CABIN1: variants seen among roughly 807,000 people sequenced by gnomAD.
The protein encoded by CABIN1 is calcineurin-binding protein cabin-1.
CABIN1 carries 133 observed loss-of-function variants against 227.7 expected under a neutral mutation model. The ratio of observed to expected loss-of-function variants is 0.58; its 90% confidence interval spans 0.51 to 0.67. The LOEUF (loss-of-function observed/expected upper bound fraction) is 0.67, where lower values mean the gene tolerates loss of function less well. Ranked by LOEUF, CABIN1 falls within the 30% of genes least tolerant of loss-of-function variation. The probability of loss-of-function intolerance (pLI) is 0.00; values close to 1 mark genes in which losing one functional copy is unlikely to be tolerated. For synonymous variants in CABIN1, 1,086 were observed against 1,155.1 expected, an observed-to-expected ratio of 0.94 and a Z score of 1.21; for missense variants, 2,408 against 2,852.5, an observed-to-expected ratio of 0.84 and a Z score of 3.55.
intron 1 of CABIN1, among the ~76,000 whole-genome samples, chr22:24,014,378 A>C (rs1378356697): frequency 1.3e-5 from 2 of 150,190 alleles, no homozygotes; most frequent in South Asian, 4.2e-4. Flanking sequence ...TTTAGTTAGG[A>C]TCTCCTTCAG....
In CABIN1 at chr22:24,119,685, G is replaced by T; in HGVS notation, c.4619G>T (p.Ser1540Ile). Residue 1540 changes from serine to isoleucine, a missense_variant, in exon 28 of 37, where the codon AGC becomes ATC. Around this residue, in one of 3 missense-constraint regions of CABIN1, gnomAD observed 649 missense variants for 910.3 expected, o/e 0.71. Transcript: ENST00000263119. The stretch of plus-strand genomic sequence containing the variant: ...CGTCTGGCCTTCCTCTACACCTACA[G>T]CAAGACCCACCGGGTGAGTGGCTGC... Reference protein sequence around the residue: ...LYRLAFLYTYSKTHRNLQWAR... With the variant: ...LYRLAFLYTYIKTHRNLQWAR... 2 of 1,613,952 alleles carry T rather than the reference G, an allele frequency of 1.2e-6. No homozygotes were observed. The highest frequency in any genetic ancestry group is 4.5e-5 in the East Asian group (2 of 44,878).
At chr22:24,107,049 C>A (rs1253294197) in intron 26 of CABIN1, among the ~76,000 whole-genome samples, 1 of 152,188 alleles carries the variant, frequency 6.6e-6, no homozygotes, top group South Asian at 2.1e-4. Context: ...GATAACACAT[C>A]CCTGGACTCC....
intron 27 of CABIN1, among the ~76,000 whole-genome samples, chr22:24,114,613 A>C (rs1432936915): frequency 6.6e-6 from 1 of 152,026 alleles, no homozygotes; most frequent in Non-Finnish European, 1.5e-5. Flanking sequence ...ACCCCACGCT[A>C]CCTCTCCGGG....
chr22:24,019,409 C>T (rs1050722960), intron 1 of CABIN1, among the ~76,000 whole-genome samples: 2 of 151,458 alleles, frequency 1.3e-5, no homozygotes, highest in East Asian at 1.9e-4. Flanking sequence ...GGATTACAGG[C>T]GTGAGCCTGT....
At chr22:24,130,583 C>G (rs1049630425) in intron 28 of CABIN1, among the ~76,000 whole-genome samples, 2 of 152,132 alleles carry the variant, frequency 1.3e-5, no homozygotes, top group African/African-American at 4.8e-5. Context: ...GCTGCAGGTG[C>G]ACCGTGCAAG....
intron 1 of CABIN1, among the ~76,000 whole-genome samples, chr22:24,019,391 A>G (rs184253319): frequency 6.6e-6 from 1 of 151,178 alleles, no homozygotes; most frequent in African/African-American, 2.4e-5. Flanking sequence ...TGGCCTCCCA[A>G]AGTGCTGGGA....
intron 1 of CABIN1, among the ~76,000 whole-genome samples, chr22:24,018,401 G>T (rs1162909933): frequency 6.6e-6 from 1 of 152,058 alleles, no homozygotes; most frequent in African/African-American, 2.4e-5. Flanking sequence ...TAATACAAAG[G>T]TTAAAGAGGA....
chr22:24,156,072 G>C, intron 29 of CABIN1: 1 of 425,072 alleles, frequency 2.4e-6, no homozygotes, highest in African/African-American at 2.1e-5. Flanking sequence ...CGGCGGAGCC[G>C]GCGGGTAGGA....
chr22:24,142,964 C>T (rs1241737106), intron 29 of CABIN1, among the ~76,000 whole-genome samples: 1 of 152,142 alleles, frequency 6.6e-6, no homozygotes, highest in Non-Finnish European at 1.5e-5. Flanking sequence ...TGTCCCTTTG[C>T]TCACACTTCA....
chr22:24,064,719 T>G (rs1478448103), intron 15 of CABIN1, among the ~76,000 whole-genome samples: 1 of 151,968 alleles, frequency 6.6e-6, no homozygotes, highest in Non-Finnish European at 1.5e-5. Flanking sequence ...GTGATGACTC[T>G]TAACGAGCAT....
At chr22:24,071,064 C>T (rs750618765) in intron 17 of CABIN1, 22 bp downstream of exon 17, 10 of 1,614,216 alleles carry the variant, frequency 6.2e-6, no homozygotes, top group South Asian at 3.3e-5. Context: ...CTCCTTCTCA[C>T]CCTGCCCTGC....
At position 24,055,099 on chromosome 22, in the gene CABIN1, G is replaced by C. The variant is rs753529437; in HGVS notation, c.1033G>C (p.Val345Leu). ...CGAGCCTGTGGTCTCCTACACCTCT[G>C]TGGCTACAACCAGCTTCCCACTGCA... ...VAEPVVSYTS[V>L]ATTSFPLHSP... is the part of the protein sequence containing the mutation. The change falls in exon 9 of 37, where the codon GTG (valine) becomes CTG (leucine). Residue 345 changes from valine (V) to leucine (L), a missense_variant. Transcript: ENST00000263119. 63 of 1,614,046 alleles carry C rather than the reference G, an allele frequency of 3.9e-5. No individual in the cohort carries two copies. The South Asian group carries it at 6.8e-4, about 17-fold the overall frequency.
At chr22:24,063,275 C>G in intron 14 of CABIN1, 129 bp downstream of exon 14, 1 of 939,326 alleles carries the variant, frequency 1.1e-6, no homozygotes, top group Non-Finnish European at 1.7e-6. Context: ...TGTGTACATG[C>G]ATAGCACCTG....
intron 28 of CABIN1, 56 bp from the exon 29 acceptor site, chr22:24,134,246 G>A: frequency 7.2e-7 from 1 of 1,381,260 alleles, no homozygotes; most frequent in African/African-American, 1.4e-5. Flanking sequence ...TGCCTTCCCT[G>A]TGGGCGCCCT....
chr22:24,017,159 C>T (rs2035359557), intron 1 of CABIN1, among the ~76,000 whole-genome samples: 1 of 151,506 alleles, frequency 6.6e-6, no homozygotes, highest in Non-Finnish European at 1.5e-5. Flanking sequence ...GCCTCAGCCT[C>T]CCGAGTAGCT....
intron 33 of CABIN1, among the ~76,000 whole-genome samples, chr22:24,169,395 G>A (rs952087563): frequency 2.0e-5 from 3 of 152,140 alleles, no homozygotes; most frequent in Non-Finnish European, 4.4e-5. Flanking sequence ...GGGTCCAGAC[G>A]GGCTTCCTTC....
At chr22:24,125,926 C>G (rs1479483850) in intron 28 of CABIN1, among the ~76,000 whole-genome samples, 1 of 152,208 alleles carries the variant, frequency 6.6e-6, no homozygotes, top group African/African-American at 2.4e-5. Context: ...GGACAGGTTG[C>G]CCCCATACTG....
At chr22:24,067,693 G>A (rs1263534352) in intron 16 of CABIN1, among the ~76,000 whole-genome samples, 2 of 152,186 alleles carry the variant, frequency 1.3e-5, no homozygotes, top group Non-Finnish European at 2.9e-5. Context: ...CCAAGAGCCT[G>A]CCAGGGAACT....
intron 2 of CABIN1, among the ~76,000 whole-genome samples, 176 bp from the exon 3 acceptor site, chr22:24,035,913 T>G (rs1486173791): frequency 2.6e-5 from 3 of 116,560 alleles, no homozygotes; most frequent in Non-Finnish European, 5.0e-5. Flanking sequence ...CGCCCTTCTT[T>G]TTTTTTTTCT....
Sources: allele counts gnomAD v4.1 joint callset (sites outside exome capture counted in the v4.1 genomes callset), GRCh38; gene constraint gnomAD v4.1.1; regional missense constraint gnomAD v4.1.1; transcripts MANE v1.5; gene names NCBI Gene and HGNC (gene_info 2026-07-23, HGNC 2026-07-21).